Variants in PIBF1 observed in about 807,000 individuals in gnomAD.
PIBF1 encodes the protein progesterone immunomodulatory binding factor 1.
In PIBF1, 90 loss-of-function variants were observed where a neutral mutation model predicts 112.5. The observed-to-expected ratio is 0.80, with a 90% confidence interval of 0.67 to 0.95. PIBF1 has a LOEUF of 0.95. PIBF1 is among the 40% of genes least tolerant of loss of function. PIBF1 has a pLI of 0.00. For synonymous variants in PIBF1, 301 were observed against 288.6 expected, an observed-to-expected ratio of 1.04 and a Z score of -0.44; for missense variants, 915 against 852.3, an observed-to-expected ratio of 1.07 and a Z score of -0.92.
chr13:72,917,159 A>G lies in PIBF1; in HGVS notation c.1723A>G (p.Lys575Glu). ...NVPTTAKRRL[K>E]QSVHLARRVL... ...TCCCACAACAGCCAAAAGACGACTA[A>G]AGCAAAGGTAAAATCAATATATATT... Residue 575 changes from lysine to glutamate, a missense_variant, in exon 13 of 18, where the codon AAG becomes GAG. Physicochemically the swap from Lys to Glu is moderately conservative, Grantham distance 56. Transcript: ENST00000326291. The G allele has an allele frequency of 6.4e-7, 1 of 1,567,306 alleles. No individual in the cohort carries two copies. Among genetic ancestry groups the G allele is most frequent in the East Asian group, 2.3e-5 (1 of 43,654 alleles).
chr13:72,784,927 C>A (rs1318685044), intron 2 of PIBF1, among the ~76,000 whole-genome samples: 1 of 151,992 alleles, frequency 6.6e-6, no homozygotes, highest in Admixed American at 6.6e-5. Context: ...GGCTGGAGTT[C>A]AGTGGCACAA....
intron 10 of PIBF1, among the ~76,000 whole-genome samples, chr13:72,875,771 A>G (rs2039370792): frequency 6.6e-6 from 1 of 152,118 alleles, no homozygotes. Context: ...TCTTTAGCCC[A>G]TTTTTTAATA....
chr13:72,883,944 A>G (rs2039744322), intron 10 of PIBF1, among the ~76,000 whole-genome samples: 2 of 152,176 alleles, frequency 1.3e-5, no homozygotes, highest in South Asian at 2.1e-4. Context: ...ACGTACACAC[A>G]TACATACATA....
chr13:72,805,656 A>G (rs115462105), intron 5 of PIBF1, among the ~76,000 whole-genome samples: 1,794 of 152,328 alleles, frequency 0.012, 35 homozygotes, highest in African/African-American at 0.041. Flanking sequence ...ACATGACTAG[A>G]TGGTATTCAC....
rs1248547595 is a variant in PIBF1, at chr13:72,851,129, G to C, written c.1224-2928G>C. Among the ~76,000 whole-genome samples the C allele has an allele frequency of 1.3e-5, 2 of 152,174 alleles. 1 individual carries two copies. The highest frequency in any genetic ancestry group is 2.9e-5 in the Non-Finnish European group (2 of 68,028). On this transcript the variant is annotated intron_variant, in intron 9 of 17. Coordinates refer to ENST00000326291, the MANE Select transcript of PIBF1 (RefSeq NM_006346.4). ...AGCTGCAGTGGGGGAGGCGCGTCCA[G>C]GGCTGCATGCTCCACTGAGCCAGCA...
chr13:72,947,865 A>G (rs1028064629), intron 14 of PIBF1, among the ~76,000 whole-genome samples: 6 of 152,252 alleles, frequency 3.9e-5, no homozygotes, highest in Non-Finnish European at 7.3e-5. Context: ...GGCTGGATAA[A>G]GAAAATGAGG....
At chr13:72,958,788 A>C (rs903765117) in intron 14 of PIBF1, among the ~76,000 whole-genome samples, 3 of 152,198 alleles carry the variant, frequency 2.0e-5, no homozygotes, top group African/African-American at 7.2e-5. Flanking sequence ...AACTGGTATT[A>C]GTAGGGAGGA....
chr13:72,964,843 C>A (rs2042698119), intron 14 of PIBF1, among the ~76,000 whole-genome samples: 1 of 152,108 alleles, frequency 6.6e-6, no homozygotes, highest in East Asian at 1.9e-4. Context: ...TGGGCGATCA[C>A]CTGAGGTCAG....
At chr13:72,991,509 G>A (rs2043479685) in intron 16 of PIBF1, among the ~76,000 whole-genome samples, 1 of 152,008 alleles carries the variant, frequency 6.6e-6, no homozygotes, top group South Asian at 2.1e-4. Flanking sequence ...TGATATACTA[G>A]AATTACAACA....
At chr13:72,786,101 A>G (rs868838594) in intron 2 of PIBF1, among the ~76,000 whole-genome samples, 7 of 152,224 alleles carry the variant, frequency 4.6e-5, no homozygotes, top group Non-Finnish European at 8.8e-5. Flanking sequence ...GGATTAATCA[A>G]TGTATGTAAG....
Position 72,999,014 on chromosome 13 carries a change from A to G in PIBF1, c.2223+19A>G. ...ACTCTTTGTAAGTACAATTTTTAAA[A>G]CTCATAATTTTAATATTCCTGATTC... is the stretch of plus-strand genomic sequence containing the variant. On this transcript the variant is annotated intron_variant, in intron 17 of 17. Transcript: ENST00000326291. The G allele has an allele frequency of 6.8e-7, 1 of 1,468,866 alleles. No homozygotes were observed. Among genetic ancestry groups the G allele is most frequent in the South Asian group, 1.3e-5 (1 of 77,868 alleles). The allele number at this position is 1,468,866 out of a possible 1,614,324, so 91.0% of individuals were successfully genotyped here.
intron 10 of PIBF1, among the ~76,000 whole-genome samples, chr13:72,858,922 A>G (rs1180095724): frequency 6.6e-6 from 1 of 152,210 alleles, no homozygotes; most frequent in East Asian, 1.9e-4. Context: ...GGAACATATT[A>G]GTAGATTACA....
At chr13:72,954,262 C>T (rs558441556) in intron 14 of PIBF1, among the ~76,000 whole-genome samples, 1 of 152,280 alleles carries the variant, frequency 6.6e-6, no homozygotes, top group East Asian at 1.9e-4. Flanking sequence ...ACAAAACTGC[C>T]CCAAGCAGTA....
At chr13:72,799,943 C>T (rs1486806640) in intron 5 of PIBF1, among the ~76,000 whole-genome samples, 1 of 152,176 alleles carries the variant, frequency 6.6e-6, no homozygotes, top group African/African-American at 2.4e-5. Context: ...TGTGGTTTTT[C>T]TGCCCTGTCA....
chr13:72,846,361 C>G (rs548515338), intron 9 of PIBF1, among the ~76,000 whole-genome samples: 2 of 152,252 alleles, frequency 1.3e-5, no homozygotes, highest in East Asian at 3.9e-4. Context: ...TACCTTGCTT[C>G]AAGTCACCAT....
chr13:73,015,847 T>C, intron 17 of PIBF1, 22 bp from the exon 18 acceptor site: 1 of 1,471,928 alleles, frequency 6.8e-7, no homozygotes. Context: ...TTATTGGATT[T>C]TCTTTTTCTT....
At chr13:72,865,361 A>ATTTT (rs2038880876) in intron 10 of PIBF1, among the ~76,000 whole-genome samples, 1 of 152,144 alleles carries the variant, frequency 6.6e-6, no homozygotes, top group Non-Finnish European at 1.5e-5. Context: ...TGGCCGTTTG[A>ATTTT]CTAAAACTTT....
chr13:72,895,162 A>T (rs1372838125), intron 11 of PIBF1, among the ~76,000 whole-genome samples: 1 of 152,030 alleles, frequency 6.6e-6, no homozygotes, highest in Non-Finnish European at 1.5e-5. Flanking sequence ...ATTATATCTT[A>T]TGTTTACTTT....
chr13:72,986,453 A>G (rs1176064491), intron 16 of PIBF1, among the ~76,000 whole-genome samples: 2 of 152,116 alleles, frequency 1.3e-5, no homozygotes, highest in Non-Finnish European at 2.9e-5. Context: ...TAATTCAGGA[A>G]CCTACTTCAG....
Sources: gnomAD v4.1 joint callset for allele counts (sites outside exome capture counted in the v4.1 genomes callset) on GRCh38, gnomAD v4.1.1 for gene constraint, MANE v1.5 for transcripts, NCBI Gene and HGNC (gene_info 2026-07-23, HGNC 2026-07-21) for gene names.